MIAT: variants seen among roughly 807,000 people sequenced by gnomAD.
MIAT encodes the protein MI related novel mRNA.
chr22:26,675,586 A>G, exon 5 of MIAT: 2 of 398,670 alleles, frequency 5.0e-6, no homozygotes, highest in Non-Finnish European at 4.4e-6. Flanking sequence ...TGTCTACCCC[A>G]GTTGGAAGTA....
chr22:26,674,901 A>G (rs1931203309), exon 5 of MIAT: 3 of 398,576 alleles, frequency 7.5e-6, no homozygotes, highest in East Asian at 3.6e-5. Context: ...CTTTTTCGTC[A>G]TGGTGCTTTT....
downstream of MIAT, chr22:26,672,448 C>CT (rs1172460135): frequency 1.0e-5 from 4 of 399,234 alleles, no homozygotes; most frequent in African/African-American, 2.1e-5. Flanking sequence ...AGGCTGGACT[C>CT]TGAGTATGAC....
downstream of MIAT, chr22:26,673,108 C>T (rs936448127): frequency 1.3e-5 from 5 of 398,526 alleles, no homozygotes; most frequent in Non-Finnish European, 2.2e-5. Context: ...AGCTTTACCC[C>T]GGGCTCGGAG....
chr22:26,662,574 C>G (rs865776319), intron 2 of MIAT, among the ~76,000 whole-genome samples: 5 of 152,170 alleles, frequency 3.3e-5, no homozygotes, highest in African/African-American at 1.2e-4. Context: ...AAAGAAACAG[C>G]GCTTTAATTC....
At chr22:26,664,606 T>C (rs905923576) in intron 3 of MIAT, among the ~76,000 whole-genome samples, 45 of 152,238 alleles carry the variant, frequency 3.0e-4, no homozygotes, top group African/African-American at 1.0e-3. Flanking sequence ...TCATACAATA[T>C]GTGTTCTGTT....
chr22:26,668,426 A>G lies in MIAT; in HGVS notation n.2531A>G, dbSNP rs890913169. The stretch of plus-strand genomic sequence containing the variant: ...GGGTATGAGGGAGGCCTGGCAGCCC[A>G]CTACTCCCTCCTCACCTGCTCGGGC... On this transcript the variant is annotated non_coding_transcript_exon_variant, in exon 6 of 6. Transcript: ENST00000643270. The G allele has an allele frequency of 1.3e-5, 5 of 398,774 alleles. No individual in the cohort carries two copies. The East Asian group carries it at 1.4e-4, about 11-fold the overall frequency. 24.7% of individuals were successfully genotyped at this position (398,774 alleles called of 1,614,324 possible). A position where few individuals can be genotyped will look rare whatever the true frequency, so the allele number is the denominator to read the frequency against.
At chr22:26,659,818 CTT>C (rs1930595444) in intron 2 of MIAT, among the ~76,000 whole-genome samples, 1 of 123,220 alleles carries the variant, frequency 8.1e-6, no homozygotes, top group African/African-American at 2.9e-5. Flanking sequence ...TTCTTTTTTT[CTT>C]TTTCTTTCTT....
intron 2 of MIAT, among the ~76,000 whole-genome samples, chr22:26,662,586 C>T (rs1383230868): frequency 2.6e-5 from 4 of 152,172 alleles, no homozygotes; most frequent in East Asian, 3.8e-4. Flanking sequence ...CTTTAATTCT[C>T]CTCTGCAGAA....
chr22:26,670,373 A>C (rs568048201), downstream of MIAT: 1 of 398,464 alleles, frequency 2.5e-6, no homozygotes, highest in East Asian at 3.6e-5. Context: ...ACCAGCTCAC[A>C]TGGAGAATCA....
At chr22:26,673,657 GCTAACACAGGTTTGAACTTGGC>G (rs1339411542), downstream of MIAT, 1 of 213,704 alleles carries the variant, frequency 4.7e-6, no homozygotes. Context: ...TTTGAACTTG[GCTAACACAGGTTTGAACTTGGC>G]TAACACAGGT....
chr22:26,670,036 T>C, downstream of MIAT: 1 of 396,414 alleles, frequency 2.5e-6, no homozygotes, highest in Non-Finnish European at 4.4e-6. Flanking sequence ...CATCTGGGAG[T>C]ATAGACTTAG....
At chr22:26,661,733 A>C (rs1930669031) in intron 2 of MIAT, among the ~76,000 whole-genome samples, 1 of 151,732 alleles carries the variant, frequency 6.6e-6, no homozygotes. Context: ...CTAAAAGTGA[A>C]CTCAATCATT....
chr22:26,666,137 C>T (rs1930837146), exon 4 of MIAT: 2 of 398,544 alleles, frequency 5.0e-6, no homozygotes, highest in East Asian at 3.6e-5. Flanking sequence ...TGACAGCAAG[C>T]TCTGAAGATA....
chr22:26,650,754 G>A (rs183583981), intron 2 of MIAT, among the ~76,000 whole-genome samples: 5 of 152,344 alleles, frequency 3.3e-5, no homozygotes, highest in African/African-American at 9.6e-5. Context: ...TCAGCTGGCT[G>A]AGGGGTGGTA....
intron 3 of MIAT, among the ~76,000 whole-genome samples, chr22:26,665,240 C>G (rs1930799763): frequency 1.2e-5 from 1 of 82,938 alleles, no homozygotes; most frequent in African/African-American, 4.1e-5. Context: ...GATCCTGTCT[C>G]CAGAAAAAAA....
At chr22:26,660,502 ATTGCATTATATGTATAATGCTT>A (rs1219323472) in intron 2 of MIAT, among the ~76,000 whole-genome samples, 3 of 151,186 alleles carry the variant, frequency 2.0e-5, no homozygotes, top group Non-Finnish European at 2.9e-5. Flanking sequence ...AAGAAAAGAA[ATTGCATTATATGTATAATGCTT>A]TTGAAAAGTT....
At chr22:26,673,700 C>G (rs186937862), downstream of MIAT, 237 of 398,546 alleles carry the variant, frequency 5.9e-4, 1 homozygote, top group East Asian at 7.3e-3. Context: ...TTGAACTTGA[C>G]TAACACAGGG....
At chr22:26,656,946 A>G (rs1930476781) in intron 2 of MIAT, among the ~76,000 whole-genome samples, 1 of 152,212 alleles carries the variant, frequency 6.6e-6, no homozygotes, top group Non-Finnish European at 1.5e-5. Flanking sequence ...AAAATTCAAG[A>G]TTAAACCTAT....
At chr22:26,658,977 A>C (rs1452319755) in intron 2 of MIAT, among the ~76,000 whole-genome samples, 1 of 152,222 alleles carries the variant, frequency 6.6e-6, no homozygotes, top group Non-Finnish European at 1.5e-5. Context: ...GGGTAGACGC[A>C]GGGCAGGGAT....
Sources: allele counts gnomAD v4.1 joint callset (sites outside exome capture counted in the v4.1 genomes callset), GRCh38; gene constraint gnomAD v4.1.1; transcripts MANE v1.5; gene names NCBI Gene and HGNC (gene_info 2026-07-23, HGNC 2026-07-21).